ZFAND3: variants seen among roughly 807,000 people sequenced by gnomAD.
The protein encoded by ZFAND3 is AN1-type zinc finger protein 3.
In ZFAND3, 10 loss-of-function variants were observed where a neutral mutation model predicts 29.6. That is an observed-to-expected ratio of 0.34 (90% CI 0.21 to 0.57). The LOEUF is 0.57. Among genes scored for constraint, ZFAND3 ranks in the 20% least tolerant of loss-of-function variants. ZFAND3 has a pLI of 0.86. For missense variants in ZFAND3, 230 were observed against 304.5 expected, an observed-to-expected ratio of 0.76 and a Z score of 1.82; for synonymous variants, 128 against 112.6, an observed-to-expected ratio of 1.14 and a Z score of -0.87.
chr6:37,921,628 A>C (rs943581818), intron 1 of ZFAND3, among the ~76,000 whole-genome samples: 5 of 152,294 alleles, frequency 3.3e-5, no homozygotes, highest in African/African-American at 1.2e-4. Context: ...AGAATTCCCC[A>C]AGATGAATTA....
chr6:37,898,534 G>A (rs1360616983), intron 1 of ZFAND3, among the ~76,000 whole-genome samples: 1 of 152,118 alleles, frequency 6.6e-6, no homozygotes, highest in Non-Finnish European at 1.5e-5. Flanking sequence ...GTCAATTTCA[G>A]TTAAAAAGAA....
Position 38,154,580 on chromosome 6 carries a change from C to A in ZFAND3, c.*2191C>A. 1 of 968,922 alleles carries A rather than the reference C, an allele frequency of 1.0e-6. No individual in the cohort carries two copies. Among genetic ancestry groups the A allele is most frequent in the Non-Finnish European group, 1.2e-6 (1 of 814,610 alleles). The allele number at this position is 968,922 out of a possible 1,614,324, so 60.0% of individuals were successfully genotyped here. The stretch of plus-strand genomic sequence containing the variant: ...ATTAAAAGAATCTTGTAACTTTATT[C>A]TTTTTTCTCCTGCTGAAAAAAAAAA... On this transcript the variant is annotated 3_prime_UTR_variant, in exon 6 of 6. Transcript: ENST00000287218.
chr6:37,845,583 G>A (rs937959706), intron 1 of ZFAND3, among the ~76,000 whole-genome samples: 4 of 152,132 alleles, frequency 2.6e-5, no homozygotes, highest in East Asian at 3.9e-4. Context: ...TTGCTTTTTC[G>A]TACTGTGAGC....
At chr6:37,980,930 G>A (rs548689656) in intron 2 of ZFAND3, among the ~76,000 whole-genome samples, 5 of 152,286 alleles carry the variant, frequency 3.3e-5, no homozygotes, top group African/African-American at 1.2e-4. Context: ...GCTTGGTGAA[G>A]TAGATTCCTG....
At chr6:38,144,232 T>TATATATTATATATATATATA (rs147631639) in intron 5 of ZFAND3, among the ~76,000 whole-genome samples, 3 of 48,306 alleles carry the variant, frequency 6.2e-5, no homozygotes, top group Non-Finnish European at 1.2e-4. Context: ...TATATATATA[T>TATATATTATATATATATATA]TTTTTTTTTA....
At chr6:37,957,801 C>T (rs1380219736) in intron 2 of ZFAND3, among the ~76,000 whole-genome samples, 2 of 151,978 alleles carry the variant, frequency 1.3e-5, no homozygotes, top group Non-Finnish European at 1.5e-5. Context: ...GGACCTAGGC[C>T]GAAATTATGA....
In ZFAND3 at chr6:38,120,320, CTTTTTT is replaced by C. The variant is rs70981523; in HGVS notation, c.529+3606_529+3611del. Among the ~76,000 whole-genome samples the C allele has an allele frequency of 0.019, 1,137 of 60,538 alleles. 19 individuals are homozygous for C. The East Asian group carries it at 0.23, about 12-fold the overall frequency. The allele number at this position is 60,538 out of a possible 152,430, so 39.7% of individuals were successfully genotyped here. A position where few individuals can be genotyped will look rare whatever the true frequency, so the allele number is the denominator to read the frequency against. ...TGATTGATACACGTAGCTTGGCTTC[CTTTTTT>C]TTTTTTTTTTTTTTTTTTTTTTTTG... On this transcript the variant is annotated intron_variant, in intron 5 of 5. Coordinates refer to ENST00000287218, the MANE Select transcript of ZFAND3 (RefSeq NM_021943.3).
intron 4 of ZFAND3, among the ~76,000 whole-genome samples, chr6:38,103,218 T>C (rs1427577475): frequency 6.6e-6 from 1 of 152,132 alleles, no homozygotes; most frequent in African/African-American, 2.4e-5. Flanking sequence ...CATTTGGTTA[T>C]GACGTTATGA....
chr6:37,890,795 T>C (rs976005390), intron 1 of ZFAND3, among the ~76,000 whole-genome samples: 1 of 152,202 alleles, frequency 6.6e-6, no homozygotes, highest in South Asian at 2.1e-4. Context: ...TATCAACATA[T>C]AGAACAGCAG....
chr6:37,867,451 G>C (rs1182138132), intron 1 of ZFAND3, among the ~76,000 whole-genome samples: 1 of 152,112 alleles, frequency 6.6e-6, no homozygotes, highest in Non-Finnish European at 1.5e-5. Context: ...CAATTTTTCT[G>C]CTGCATCTGC....
At chr6:38,103,480 CACACATATATACACGTGTATATATAT>C in intron 4 of ZFAND3, among the ~76,000 whole-genome samples, 2 of 24,486 alleles carry the variant, frequency 8.2e-5, no homozygotes, top group Non-Finnish European at 2.3e-4. Context: ...TATATATATA[CACACATATATACACGTGTATATATAT>C]ACACGTGTAT....
chr6:38,035,844 A>G (rs1008555381), intron 2 of ZFAND3, among the ~76,000 whole-genome samples: 2 of 152,192 alleles, frequency 1.3e-5, no homozygotes, highest in Non-Finnish European at 2.9e-5. Context: ...ATTTAGTTAA[A>G]ATTATTTAAA....
chr6:37,883,250 TC>T (rs1004188750), intron 1 of ZFAND3, among the ~76,000 whole-genome samples: 8 of 152,038 alleles, frequency 5.3e-5, no homozygotes, highest in Non-Finnish European at 1.0e-4. Context: ...AACTAAAGCA[TC>T]TTACAGTCCT....
intron 1 of ZFAND3, among the ~76,000 whole-genome samples, chr6:37,836,384 G>C (rs1028344763): frequency 1.3e-4 from 20 of 152,188 alleles, no homozygotes; most frequent in Admixed American, 2.6e-4. Flanking sequence ...AAAAAGATGA[G>C]TTTGGAAAGG....
At chr6:37,838,937 A>G (rs1376613439) in intron 1 of ZFAND3, among the ~76,000 whole-genome samples, 1 of 152,182 alleles carries the variant, frequency 6.6e-6, no homozygotes, top group African/African-American at 2.4e-5. Context: ...CCCACCAGCA[A>G]TGTATGAAGA....
intron 2 of ZFAND3, among the ~76,000 whole-genome samples, chr6:37,989,990 C>T (rs1190999796): frequency 6.6e-6 from 1 of 152,186 alleles, no homozygotes; most frequent in East Asian, 1.9e-4. Context: ...AGCCTTGTCT[C>T]ATGCTTCTTA....
intron 1 of ZFAND3, among the ~76,000 whole-genome samples, chr6:37,900,708 A>G (rs1171215221): frequency 2.0e-5 from 3 of 152,186 alleles, no homozygotes; most frequent in Admixed American, 6.5e-5. Context: ...ATTCCATGCT[A>G]TGGAAATATA....
chr6:37,933,856 A>G (rs1761642566), intron 2 of ZFAND3, among the ~76,000 whole-genome samples: 2 of 149,496 alleles, frequency 1.3e-5, no homozygotes, highest in African/African-American at 4.9e-5. Context: ...AAATCATTTA[A>G]GACTGTTTAA....
chr6:37,856,951 T>A (rs1279439798), intron 1 of ZFAND3, among the ~76,000 whole-genome samples: 3 of 59,174 alleles, frequency 5.1e-5, no homozygotes, highest in African/African-American at 1.3e-4. Context: ...ACTCTTGACC[T>A]TTTTTTTTTT....
Sources: allele counts gnomAD v4.1 joint callset (sites outside exome capture counted in the v4.1 genomes callset), GRCh38; gene constraint gnomAD v4.1.1; transcripts MANE v1.5; gene names NCBI Gene and HGNC (gene_info 2026-07-23, HGNC 2026-07-21).